KITLG: variants seen among roughly 807,000 people sequenced by gnomAD.
KITLG encodes the protein c-Kit ligand.
KITLG carries 13 observed loss-of-function variants against 34.1 expected under a neutral mutation model. The ratio of observed to expected loss-of-function variants is 0.38; its 90% CI spans 0.25 to 0.61. The LOEUF (loss-of-function observed/expected upper bound fraction) is 0.61. KITLG is among the 20% of genes least tolerant of loss of function. KITLG has a pLI of 0.60. For synonymous variants in KITLG, 110 were observed against 104.0 expected (o/e 1.06, Z -0.35); for missense variants, 292 against 318.9 (o/e 0.92, Z 0.64).
intron 3 of KITLG, among the ~76,000 whole-genome samples, chr12:88,523,628 GT>G (rs1328159981): frequency 2.0e-5 from 3 of 152,056 alleles, no homozygotes; most frequent in Non-Finnish European, 4.4e-5. Flanking sequence ...TGTTCTTTTG[GT>G]TTTTTTCGTT....
intron 6 of KITLG, among the ~76,000 whole-genome samples, chr12:88,513,367 T>G (rs1408607878): frequency 6.6e-6 from 1 of 150,924 alleles, no homozygotes; most frequent in African/African-American, 2.4e-5. Context: ...GAACAGAAGG[T>G]CAATACACAA....
intron 4 of KITLG, among the ~76,000 whole-genome samples, 187 bp downstream of exon 4, chr12:88,518,510 C>A (rs1869537719): frequency 6.6e-6 from 1 of 152,086 alleles, no homozygotes; most frequent in Non-Finnish European, 1.5e-5. Context: ...TTTGAATGTG[C>A]ACTTCAGTAT....
chr12:88,556,878 C>T (rs1871114051), intron 1 of KITLG, among the ~76,000 whole-genome samples: 1 of 152,114 alleles, frequency 6.6e-6, no homozygotes, highest in Admixed American at 6.5e-5. Context: ...ATAAAACAAG[C>T]ACTAAAAGAT....
intron 1 of KITLG, among the ~76,000 whole-genome samples, chr12:88,550,927 A>T: frequency 6.6e-6 from 1 of 152,334 alleles, no homozygotes; most frequent in East Asian, 1.9e-4. Context: ...ACAGACTGCT[A>T]TAATAATTGA....
intron 3 of KITLG, among the ~76,000 whole-genome samples, chr12:88,525,021 C>A (rs1040527455): frequency 6.6e-6 from 1 of 152,092 alleles, no homozygotes; most frequent in East Asian, 1.9e-4. Context: ...GATAGGCCAA[C>A]CAGAACGTTC....
Position 88,505,249 on chromosome 12 carries a change from A to T in KITLG, c.783-14T>A. On this transcript the variant is annotated splice_polypyrimidine_tract_variant and intron_variant, in intron 8 of 9. Transcript: ENST00000644744. ...TCTTGCAACATACTGAAAAACAATA[A>T]GAAAAAATGCTTATTTGCTCTTGGT... 1 of 1,602,864 alleles carries T rather than the reference A, an allele frequency of 6.2e-7. No individual in the cohort carries two copies. Among genetic ancestry groups the T allele is most frequent in the Non-Finnish European group, 8.5e-7 (1 of 1,169,992 alleles).
chr12:88,570,870 T>C (rs766198220), intron 1 of KITLG, among the ~76,000 whole-genome samples: 2 of 152,232 alleles, frequency 1.3e-5, no homozygotes, highest in Non-Finnish European at 2.9e-5. Flanking sequence ...TAATTCACAG[T>C]TATTAACTTA....
chr12:88,544,109 C>G (rs529272573), intron 2 of KITLG, among the ~76,000 whole-genome samples: 6 of 152,230 alleles, frequency 3.9e-5, no homozygotes, highest in Non-Finnish European at 7.4e-5. Flanking sequence ...CTCATTTCAG[C>G]TCTGAACTGA....
At chr12:88,515,007 C>G (rs1226299758) in intron 6 of KITLG, among the ~76,000 whole-genome samples, 2 of 151,820 alleles carry the variant, frequency 1.3e-5, no homozygotes, top group African/African-American at 4.8e-5. Flanking sequence ...AGCCTATTCT[C>G]ATCAAGCATA....
At chr12:88,521,990 C>A (rs1869685954) in intron 3 of KITLG, among the ~76,000 whole-genome samples, 1 of 152,104 alleles carries the variant, frequency 6.6e-6, no homozygotes, top group Non-Finnish European at 1.5e-5. Flanking sequence ...CTACCACTGA[C>A]AATTCAGTCA....
chr12:88,542,387 G>A (rs1356091302), intron 2 of KITLG, among the ~76,000 whole-genome samples: 2 of 152,000 alleles, frequency 1.3e-5, no homozygotes, highest in Non-Finnish European at 2.9e-5. Flanking sequence ...GAAAAATTAG[G>A]AAATTGAATG....
chr12:88,558,560 T>C (rs187901786), intron 1 of KITLG, among the ~76,000 whole-genome samples: 56 of 152,338 alleles, frequency 3.7e-4, no homozygotes, highest in African/African-American at 1.3e-3. Flanking sequence ...ACTGCCTTTT[T>C]AGTGGGATGG....
chr12:88,512,369 GATAA>G (rs1183554322), intron 6 of KITLG, among the ~76,000 whole-genome samples: 1 of 151,984 alleles, frequency 6.6e-6, no homozygotes, highest in Non-Finnish European at 1.5e-5. Context: ...GAGAAAAGAG[GATAA>G]ATAAATGAAC....
rs996679893 is a variant in KITLG at position 88,492,998 on chromosome 12, G to A, written c.*4221C>T. ...TAATAGAACTATTTAGAATAGTGTC[G>A]ACATACATTTACATTATTATATGCA... is the stretch of plus-strand genomic sequence containing the variant. On this transcript the variant is annotated 3_prime_UTR_variant, in exon 10 of 10. Coordinates refer to ENST00000644744, the MANE Select transcript of KITLG (RefSeq NM_000899.5). 2.0e-5 allele frequency: 3 copies of A among 151,646 alleles called. No individual in the cohort carries two copies. Among genetic ancestry groups the A allele is most frequent in the South Asian group, 2.1e-4 (1 of 4,790 alleles). 9.4% of individuals were successfully genotyped at this position (151,646 alleles called of 1,614,324 possible).
chr12:88,518,142 C>G (rs536385041), intron 4 of KITLG, among the ~76,000 whole-genome samples: 1 of 152,110 alleles, frequency 6.6e-6, no homozygotes, highest in Non-Finnish European at 1.5e-5. Flanking sequence ...AAAGAAGTTA[C>G]GCTCACAGAA....
intron 4 of KITLG, 84 bp from the exon 5 acceptor site, chr12:88,516,574 C>A: frequency 1.2e-6 from 1 of 866,550 alleles, no homozygotes; most frequent in Non-Finnish European, 1.8e-6. Context: ...ATATGTCTCT[C>A]AAAGATTCAA....
intron 6 of KITLG, among the ~76,000 whole-genome samples, chr12:88,514,473 T>C (rs989700799): frequency 1.3e-5 from 2 of 151,680 alleles, no homozygotes; most frequent in African/African-American, 4.8e-5. Context: ...AGAACTGATA[T>C]GCTACGTAAT....
At chr12:88,579,930 C>A (rs1406233986) in intron 1 of KITLG, among the ~76,000 whole-genome samples, 1 of 152,256 alleles carries the variant, frequency 6.6e-6, no homozygotes, top group Non-Finnish European at 1.5e-5. Flanking sequence ...CAAAGACATG[C>A]CTTCCCGTGA....
At chr12:88,557,527 T>G (rs1871136202) in intron 1 of KITLG, among the ~76,000 whole-genome samples, 1 of 152,092 alleles carries the variant, frequency 6.6e-6, no homozygotes, top group Non-Finnish European at 1.5e-5. Flanking sequence ...CTAATTTCTG[T>G]GAGGATAATG....
Sources: allele counts gnomAD v4.1 joint callset (sites outside exome capture counted in the v4.1 genomes callset), GRCh38; gene constraint gnomAD v4.1.1; transcripts MANE v1.5; gene names NCBI Gene and HGNC (gene_info 2026-07-23, HGNC 2026-07-21).